The following PEX14 variants were observed in gnomAD, a reference collection of about 807,000 sequenced individuals.
PEX14 encodes peroxisomal membrane protein PEX14.
Under a neutral mutation model 49.5 loss-of-function variants are expected in PEX14, and 15 were observed. That is an observed-to-expected ratio of 0.30 (90% CI 0.20 to 0.47). PEX14 has a LOEUF of 0.47. Among genes scored for constraint, PEX14 ranks in the 20% least tolerant of loss-of-function variants. The pLI is 1.00. For missense variants in PEX14, 398 were observed against 494.8 expected, an observed-to-expected ratio of 0.80 and a Z score of 1.86; for synonymous variants, 210 against 212.7, an observed-to-expected ratio of 0.99 and a Z score of 0.11.
rs1638597190 is a variant in PEX14, at chr1:10,529,953, G to C, written c.85-6260G>C. On this transcript the variant is annotated intron_variant, in intron 2 of 8. Transcript: ENST00000356607. This position sits in a 1 kb window ranked among gnomAD's most constrained non-coding sequence, Gnocchi z 4.2. ...CAGGAAATTCCAAGTCGAAAGAGAG[G>C]CTCTTTCCTTTAACTCCTTGAGTGC... Among the ~76,000 whole-genome samples, 1 of 152,152 alleles carries C rather than the reference G, an allele frequency of 6.6e-6. No homozygotes were observed. The highest frequency in any genetic ancestry group is 2.1e-4 in the South Asian group (1 of 4,828).
chr1:10,579,010 G>C (rs1640234116), intron 3 of PEX14, among the ~76,000 whole-genome samples: 1 of 151,970 alleles, frequency 6.6e-6, no homozygotes, highest in South Asian at 2.1e-4. Flanking sequence ...GGCAGAAAAA[G>C]TATTTGAAGC....
intron 4 of PEX14, among the ~76,000 whole-genome samples, chr1:10,607,874 T>G (rs1037791964): frequency 2.6e-5 from 4 of 152,218 alleles, no homozygotes; most frequent in Non-Finnish European, 4.4e-5. Context: ...CAATTTTAAT[T>G]TTGATGACAT....
At chr1:10,567,818 A>T (rs1469923077) in intron 3 of PEX14, among the ~76,000 whole-genome samples, 1 of 152,044 alleles carries the variant, frequency 6.6e-6, no homozygotes, top group Non-Finnish European at 1.5e-5. Flanking sequence ...TTTTGTAGAG[A>T]CGGGGTCTCA....
chr1:10,599,225 C>T lies in PEX14; in HGVS notation c.170-13C>T, dbSNP rs182967518. 1.5e-3 allele frequency: 2,362 copies of T among 1,613,934 alleles called. 23 individuals carry two copies. Among genetic ancestry groups the T allele is most frequent in the Non-Finnish European group, 8.5e-4 (1,000 of 1,179,804 alleles). On this transcript the variant is annotated splice_polypyrimidine_tract_variant and intron_variant, in intron 3 of 8. Transcript: ENST00000356607. ...AAAGGTACTCACCTGCAATGATGTC[C>T]TCTTCTCCCCAGGGCTGACAGATGA...
chr1:10,502,412 C>T (rs1035918015), intron 2 of PEX14, among the ~76,000 whole-genome samples: 5 of 152,212 alleles, frequency 3.3e-5, no homozygotes, highest in Admixed American at 6.5e-5. Flanking sequence ...CCTCTTCCTA[C>T]TCTGTCCTTC....
chr1:10,495,041 G>A lies in PEX14; in HGVS notation c.37-233G>A. 1 of 919,450 alleles carries A rather than the reference G, an allele frequency of 1.1e-6. No individual in the cohort carries two copies. Among genetic ancestry groups the A allele is most frequent in the South Asian group, 5.0e-5 (1 of 19,986 alleles). The allele number at this position is 919,450 out of a possible 1,614,324, so 57.0% of individuals were successfully genotyped here. ...AGCAGAACCAAGCCTTGTTCTTGGAGTGGTGTGACAAGTGAACCCAGAAAC... is the reference window on the plus strand; with the variant it reads ...AGCAGAACCAAGCCTTGTTCTTGGAATGGTGTGACAAGTGAACCCAGAAAC... On this transcript the variant is annotated intron_variant, in intron 1 of 8. Transcript: ENST00000356607. This position sits in a 1 kb window ranked among gnomAD's most constrained non-coding sequence, Gnocchi z 4.2.
At chr1:10,520,145 C>CTTT (rs1412156646) in intron 2 of PEX14, among the ~76,000 whole-genome samples, 1,199 of 64,176 alleles carry the variant, frequency 0.019, 39 homozygotes, top group African/African-American at 0.068. Context: ...TGGCCTTCTT[C>CTTT]TTCTTTTTTT....
At chr1:10,594,708 C>T (rs1050967151) in intron 3 of PEX14, among the ~76,000 whole-genome samples, 2 of 152,188 alleles carry the variant, frequency 1.3e-5, no homozygotes, top group Non-Finnish European at 2.9e-5. Context: ...GGGGACAGTG[C>T]TGAGGTTACT....
chr1:10,550,576 T>TA lies in PEX14; in HGVS notation c.169+14280dup, dbSNP rs754250175. ...TAATTTACAGGCAAGCCTGAGATGATACGGTACAGACTGTATAATAGCCAC... is the reference window on the plus strand; with the variant it reads ...TAATTTACAGGCAAGCCTGAGATGATAACGGTACAGACTGTATAATAGCCAC... On this transcript the variant is annotated intron_variant, in intron 3 of 8. Transcript: ENST00000356607. Among the ~76,000 whole-genome samples the TA allele has an allele frequency of 2.6e-5, 4 of 152,244 alleles. No homozygotes were observed. The East Asian group carries it at 7.7e-4, about 29-fold the overall frequency.
At chr1:10,627,401 C>A in intron 8 of PEX14, 38 bp downstream of exon 8, 1 of 1,429,212 alleles carries the variant, frequency 7.0e-7, no homozygotes, top group Non-Finnish European at 9.9e-7. Flanking sequence ...CTGGTCGGGC[C>A]TGGAAAGGAG....
At chr1:10,516,147 A>G (rs1219296248) in intron 2 of PEX14, among the ~76,000 whole-genome samples, 5 of 152,212 alleles carry the variant, frequency 3.3e-5, no homozygotes, top group African/African-American at 9.6e-5. Context: ...TCAATTTTTG[A>G]CATCTGCACT....
intron 4 of PEX14, among the ~76,000 whole-genome samples, chr1:10,610,970 G>A (rs1641263512): frequency 1.3e-5 from 2 of 152,062 alleles, no homozygotes; most frequent in African/African-American, 4.8e-5. Context: ...TAACCAGGCT[G>A]GGTGCGGTTG....
At chr1:10,515,609 G>C (rs1181388853) in intron 2 of PEX14, among the ~76,000 whole-genome samples, 5 of 152,154 alleles carry the variant, frequency 3.3e-5, no homozygotes, top group Non-Finnish European at 5.9e-5. Context: ...TCAGTTTCAT[G>C]TTCTCTACTC....
intron 2 of PEX14, among the ~76,000 whole-genome samples, chr1:10,501,685 C>T (rs1174011096): frequency 1.3e-5 from 2 of 152,000 alleles, no homozygotes; most frequent in Non-Finnish European, 2.9e-5. Context: ...AAGGAAGAGG[C>T]GGGAGGATTG....
chr1:10,511,964 T>C (rs1641890971), intron 2 of PEX14, among the ~76,000 whole-genome samples: 1 of 152,122 alleles, frequency 6.6e-6, no homozygotes, highest in South Asian at 2.1e-4. Flanking sequence ...TGAGTCTAAA[T>C]ATATATATTT....
intron 4 of PEX14, among the ~76,000 whole-genome samples, chr1:10,604,894 G>C (rs1641085711): frequency 6.6e-6 from 1 of 152,168 alleles, no homozygotes; most frequent in Non-Finnish European, 1.5e-5. Context: ...ATCAGCCGGA[G>C]GCCATTGTTC....
intron 7 of PEX14, among the ~76,000 whole-genome samples, chr1:10,626,393 G>A (rs550428730): frequency 6.6e-6 from 1 of 152,192 alleles, no homozygotes; most frequent in Non-Finnish European, 1.5e-5. Context: ...TGGGTGACAC[G>A]CACTCACTCT....
intron 3 of PEX14, among the ~76,000 whole-genome samples, chr1:10,581,110 G>C (rs573886509): frequency 2.6e-5 from 4 of 152,062 alleles, no homozygotes; most frequent in Non-Finnish European, 5.9e-5. Flanking sequence ...GTCTCAGGAA[G>C]GGTTCAACCA....
intron 8 of PEX14, among the ~76,000 whole-genome samples, 166 bp downstream of exon 8, chr1:10,627,529 C>T (rs944675028): frequency 1.3e-5 from 2 of 152,124 alleles, no homozygotes; most frequent in African/African-American, 4.8e-5. Context: ...CTCTTCATTC[C>T]CCAGTTGACA....
Sources: gnomAD v4.1 joint callset for allele counts (sites outside exome capture counted in the v4.1 genomes callset) on GRCh38, gnomAD v4.1.1 for gene constraint, Gnocchi (gnomAD v3.1) non-coding constraint, MANE v1.5 for transcripts, NCBI Gene and HGNC (gene_info 2026-07-23, HGNC 2026-07-21) for gene names.